The following TREH variants were observed in gnomAD, a reference collection of about 807,000 sequenced individuals.
The protein encoded by TREH is trehalase.
TREH carries 69 observed loss-of-function variants against 80.5 expected under a neutral mutation model. The ratio of observed to expected loss-of-function variants is 0.86; its 90% CI spans 0.71 to 1.05. The LOEUF (loss-of-function observed/expected upper bound fraction) is 1.05, where lower values mean the gene tolerates loss of function less well. Among genes scored for constraint, TREH ranks in the 50% least tolerant of loss-of-function variants. The pLI is 0.00. For missense variants in TREH, 716 were observed against 718.8 expected, an observed-to-expected ratio of 1.00 and a Z score of 0.04; for synonymous variants, 309 against 293.5, an observed-to-expected ratio of 1.05 and a Z score of -0.54.
intron 11 of TREH, 110 bp downstream of exon 11, chr11:118,659,637 T>TGG: frequency 7.1e-7 from 1 of 1,412,056 alleles, no homozygotes; most frequent in African/African-American, 1.4e-5. Context: ...ACCCGCAGGC[T>TGG]GGGACAAGGG....
rs1164937161 is a variant in TREH at position 118,674,365 on chromosome 11, T to C, written c.89+5174A>G. ...CTTGGGCAATCTTATTGGTTCCCAT[T>C]TGGAATGTCTAATCAATATTGCTTG... is the stretch of plus-strand genomic sequence containing the variant. On this transcript the variant is annotated intron_variant, in intron 1 of 14. Coordinates refer to ENST00000264029, the MANE Select transcript of TREH (RefSeq NM_007180.3). The surrounding 1 kb of genome is among the most constrained non-coding windows in gnomAD (Gnocchi z 4.4). 6.6e-6 allele frequency among the ~76,000 whole-genome samples: 1 copy of C among 152,212 alleles called. No homozygotes were observed. Among genetic ancestry groups the C allele is most frequent in the Non-Finnish European group, 1.5e-5 (1 of 68,028 alleles).
At chr11:118,668,453 C>T (rs902447868) in intron 1 of TREH, among the ~76,000 whole-genome samples, 1 of 116,548 alleles carries the variant, frequency 8.6e-6, no homozygotes, top group African/African-American at 3.3e-5. Flanking sequence ...CACCATGTTG[C>T]TTGGGAGGCT....
Position 118,658,948 on chromosome 11 carries a change from G to T in TREH, c.1502C>A (p.Thr501Asn). The T allele has an allele frequency of 6.2e-7, 1 of 1,613,948 alleles. No homozygotes were observed. Among genetic ancestry groups the T allele is most frequent in the South Asian group, 1.1e-5 (1 of 91,084 alleles). The change falls in exon 13 of 15, where the codon ACC becomes AAC. Residue 501 changes from threonine (T) to asparagine (N), a missense_variant. Physicochemically the swap from Thr to Asn is moderately conservative, Grantham distance 65. Coordinates refer to ENST00000264029, the MANE Select transcript of TREH (RefSeq NM_007180.3). ...AFQLAQNWIRTNFDVYSQKSA... is the reference protein window; with the variant it reads ...AFQLAQNWIRNNFDVYSQKSA... Reference sequence around the variant, plus strand: ...CTTCTGCGAGTAGACATCAAAATTGGTTCGGATCCAATTCTGAGCCAGCTG... The same window carrying T: ...CTTCTGCGAGTAGACATCAAAATTGTTTCGGATCCAATTCTGAGCCAGCTG...
intron 1 of TREH, among the ~76,000 whole-genome samples, chr11:118,667,353 T>C (rs1166633415): frequency 2.1e-4 from 1 of 4,746 alleles, no homozygotes; most frequent in Non-Finnish European, 3.7e-4. Context: ...TAATTTTTTC[T>C]ATTTTTTTTG....
rs1565520839 is a variant in TREH, at chr11:118,658,049, G to A, written c.*240C>T. On this transcript the variant is annotated 3_prime_UTR_variant, in exon 15 of 15. Transcript: ENST00000264029. ...CGGAAGTGAGTGGAAGGCCGGTGTG[G>A]GGCTTGGCGCTGAGGCACTTGGGGA... The A allele has an allele frequency of 1.8e-6, 1 of 558,324 alleles. No homozygotes were observed. Among genetic ancestry groups the A allele is most frequent in the East Asian group, 2.9e-5 (1 of 34,962 alleles). The allele number at this position is 558,324 out of a possible 1,614,324, so 34.6% of individuals were successfully genotyped here.
intron 1 of TREH, among the ~76,000 whole-genome samples, chr11:118,679,147 T>A (rs1465063179): frequency 2.6e-5 from 4 of 152,080 alleles, no homozygotes; most frequent in Admixed American, 2.6e-4. Context: ...CCAAGCCTAA[T>A]GTCCCTTCCA....
chr11:118,676,035 A>T (rs1555146785), intron 1 of TREH, among the ~76,000 whole-genome samples: 1 of 152,168 alleles, frequency 6.6e-6, no homozygotes, highest in African/African-American at 2.4e-5. Flanking sequence ...CAGAGTTTTT[A>T]TTGGGGTTTC....
chr11:118,657,451 A>C lies in TREH; in HGVS notation c.*838T>G, dbSNP rs1949172048. 6.5e-6 allele frequency: 1 copy of C among 152,912 alleles called. No individual in the cohort carries two copies. The highest frequency in any genetic ancestry group is 6.5e-5 in the Admixed American group (1 of 15,318). The allele number at this position is 152,912 out of a possible 1,614,324, so 9.5% of individuals were successfully genotyped here. On this transcript the variant is annotated 3_prime_UTR_variant, in exon 15 of 15. Transcript: ENST00000264029. ...CAGCCCACTGCTTCAGCTGTGGGCC[A>C]TCTGAGGGTACGTGCCATCATCTCT...
At chr11:118,665,803 C>G (rs1462607371) in intron 1 of TREH, among the ~76,000 whole-genome samples, 1 of 152,180 alleles carries the variant, frequency 6.6e-6, no homozygotes, top group African/African-American at 2.4e-5. Context: ...CCCACTAGTT[C>G]CGCACCTTTG....
intron 1 of TREH, 118 bp from the exon 2 acceptor site, chr11:118,663,557 CTG>C: frequency 1.2e-6 from 1 of 810,680 alleles, no homozygotes; most frequent in African/African-American, 1.7e-5. Flanking sequence ...TGGACAAGGG[CTG>C]TGTGTGCGTG....
intron 1 of TREH, among the ~76,000 whole-genome samples, chr11:118,669,730 G>A (rs1949413639): frequency 6.6e-6 from 1 of 152,176 alleles, no homozygotes; most frequent in Non-Finnish European, 1.5e-5. Context: ...GGAGTCGCAG[G>A]GAGGTGGGGA....
chr11:118,662,908 A>G lies in TREH; in HGVS notation c.396T>C (p.His132=). The change falls in exon 4 of 15, where the codon CAT becomes CAC. Residue 132 remains histidine (H), a synonymous_variant. Transcript: ENST00000264029. ...TCTTCCCCAGCTTCTTCCAGAGCTG[A>G]TGCAGCTGCCCTGCCCAGGCACGCA... is the stretch of plus-strand genomic sequence containing the variant. ...AKLRAWAGQL[H]QLWKKLGKKM... The G allele has an allele frequency of 6.2e-7, 1 of 1,602,792 alleles. No individual in the cohort carries two copies. The highest frequency in any genetic ancestry group is 1.1e-5 in the South Asian group (1 of 89,210).
Position 118,658,948 on chromosome 11 carries a change from G to A in TREH, c.1502C>T (p.Thr501Ile). The A allele has an allele frequency of 1.2e-6, 2 of 1,613,948 alleles. No individual in the cohort carries two copies. The highest frequency in any genetic ancestry group is 1.7e-6 in the Non-Finnish European group (2 of 1,179,870). Residue 501 changes from threonine to isoleucine, a missense_variant, in exon 13 of 15, where the codon ACC becomes ATC. By Grantham distance (89) the Thr-to-Ile change is moderately conservative. Transcript: ENST00000264029. ...AFQLAQNWIRTNFDVYSQKSA... is the reference protein window; with the variant it reads ...AFQLAQNWIRINFDVYSQKSA... ...CTTCTGCGAGTAGACATCAAAATTG[G>A]TTCGGATCCAATTCTGAGCCAGCTG...
At chr11:118,676,295 C>T (rs1949478189) in intron 1 of TREH, among the ~76,000 whole-genome samples, 2 of 152,174 alleles carry the variant, frequency 1.3e-5, no homozygotes, top group South Asian at 4.1e-4. Context: ...GGAAACATGG[C>T]AAAACCCCAT....
In TREH at chr11:118,658,260, G is replaced by A. The variant is rs1189429395; in HGVS notation, c.*29C>T. On this transcript the variant is annotated 3_prime_UTR_variant, in exon 15 of 15. Coordinates refer to ENST00000264029, the MANE Select transcript of TREH (RefSeq NM_007180.3). ...GGTGCAGAGGTTTAATGGGGCAGGA[G>A]CTGGGGCCAGGTGAGGAGAGGAGGG... The A allele has an allele frequency of 2.3e-5, 36 of 1,569,102 alleles. No individual in the cohort carries two copies. Among genetic ancestry groups the A allele is most frequent in the Non-Finnish European group, 2.9e-5 (34 of 1,157,536 alleles).
chr11:118,676,764 T>C (rs1555146897), intron 1 of TREH, among the ~76,000 whole-genome samples: 1 of 68,966 alleles, frequency 1.4e-5, no homozygotes, highest in Non-Finnish European at 2.8e-5. Flanking sequence ...GCTAGATTGC[T>C]GTCTCAAAAA....
chr11:118,664,614 C>A (rs1949359959), intron 1 of TREH, among the ~76,000 whole-genome samples: 2 of 152,234 alleles, frequency 1.3e-5, no homozygotes, highest in South Asian at 4.1e-4. Context: ...AGTTACATTT[C>A]TTCAGATCCA....
intron 1 of TREH, among the ~76,000 whole-genome samples, chr11:118,678,525 G>A (rs1247722075): frequency 2.0e-5 from 3 of 151,040 alleles, no homozygotes; most frequent in East Asian, 3.9e-4. Flanking sequence ...CACCATGCCC[G>A]GCTAATTTTG....
intron 1 of TREH, among the ~76,000 whole-genome samples, chr11:118,676,055 G>T (rs142122890): frequency 6.6e-6 from 1 of 152,280 alleles, no homozygotes; most frequent in African/African-American, 2.4e-5. Context: ...CATGACATAC[G>T]CATGATTGAT....
Sources: allele counts gnomAD v4.1 joint callset (sites outside exome capture counted in the v4.1 genomes callset), GRCh38; gene constraint gnomAD v4.1.1; non-coding constraint Gnocchi (gnomAD v3.1); transcripts MANE v1.5; gene names NCBI Gene and HGNC (gene_info 2026-07-23, HGNC 2026-07-21).